CFAP52: variants seen among roughly 807,000 people sequenced by gnomAD.
CFAP52 encodes cilia- and flagella-associated protein 52.
A neutral mutation model predicts 70.5 loss-of-function variants in CFAP52; 57 were observed. That is an observed-to-expected ratio of 0.81 (90% CI 0.65 to 1.01). The LOEUF is 1.01. Among genes scored for constraint, CFAP52 ranks in the 50% least tolerant of loss-of-function variants. The pLI is 0.00. For missense variants in CFAP52, 785 were observed against 788.5 expected (o/e 1.00, Z 0.05); for synonymous variants, 267 against 292.5 (o/e 0.91, Z 0.89).
chr17:9,632,687 G>A (rs781359283), intron 9 of CFAP52, among the ~76,000 whole-genome samples: 15 of 147,684 alleles, frequency 1.0e-4, no homozygotes, highest in Non-Finnish European at 1.0e-4. Context: ...GACTCAGGCT[G>A]TTGGCTTAGG....
intron 4 of CFAP52, chr17:9,594,590 C>T: frequency 3.9e-6 from 1 of 254,844 alleles, no homozygotes; most frequent in Non-Finnish European, 7.4e-6. Flanking sequence ...GAATTATCTC[C>T]AATCCATGCT....
chr17:9,590,285 GT>G, intron 3 of CFAP52: 1 of 188,742 alleles, frequency 5.3e-6, no homozygotes, highest in Admixed American at 5.3e-5. Context: ...GGGCCAAGGT[GT>G]TTTCCCATCA....
chr17:9,612,610 A>G lies in CFAP52; in HGVS notation c.1025+131A>G, dbSNP rs1019641366. 8.5e-6 allele frequency: 9 copies of G among 1,054,194 alleles called. No homozygotes were observed. In the African/African-American group the frequency reaches 1.4e-4, roughly 17 times the overall value. 65.3% of individuals were successfully genotyped at this position (1,054,194 alleles called of 1,614,324 possible). A position where few individuals can be genotyped will look rare whatever the true frequency, so the allele number is the denominator to read the frequency against. On this transcript the variant is annotated intron_variant, in intron 8 of 13. Transcript: ENST00000352665. ...CTCCTTAAATTTTTCTAACGTGGTG[A>G]ATTATTTTAAGAGACTTTCCATTGT...
intron 1 of CFAP52, among the ~76,000 whole-genome samples, chr17:9,585,046 C>A (rs373993142): frequency 1.3e-5 from 2 of 152,244 alleles, no homozygotes; most frequent in South Asian, 2.1e-4. Flanking sequence ...ATTTACCCAA[C>A]CTTTGCCTGA....
At position 9,608,129 on chromosome 17, in the gene CFAP52, C is replaced by T; in HGVS notation, c.764C>T (p.Ala255Val). Residue 255 changes from alanine to valine, a missense_variant, in exon 7 of 14, where the codon GCT becomes GTT. Physicochemically the swap from Ala to Val is moderately conservative, Grantham distance 64. Coordinates refer to ENST00000352665, the MANE Select transcript of CFAP52 (RefSeq NM_145054.5). ...AKDKFSLGVS[A>V]IRCLKMGGLL... ...AGTTTTTCCCCCTAGGGAGTGTCAG[C>T]TATCAGGTGCCTGAAGATGGGGGGT... 1.2e-6 allele frequency: 2 copies of T among 1,612,034 alleles called. No homozygotes were observed. Among genetic ancestry groups the T allele is most frequent in the Non-Finnish European group, 1.7e-6 (2 of 1,178,758 alleles).
At chr17:9,585,424 T>A (rs1366535791) in intron 1 of CFAP52, among the ~76,000 whole-genome samples, 1 of 152,106 alleles carries the variant, frequency 6.6e-6, no homozygotes, top group Non-Finnish European at 1.5e-5. Flanking sequence ...ATCCCAGCAC[T>A]TTGGGAGGCT....
In CFAP52 at chr17:9,586,724, G is replaced by A. The variant is rs1260002210; in HGVS notation, c.297G>A (p.Lys99=). ...CAGACATCATTTTGTGGGATTATAA[G>A]AACAGAGAGCTGCTTGCTCGGCTGT... ...FKADIILWDY[K]NRELLARLSL... is the part of the protein sequence containing the mutation. The change falls in exon 3 of 14, where the codon AAG becomes AAA. Residue 99 remains lysine (K), a synonymous_variant. Coordinates refer to ENST00000352665, the MANE Select transcript of CFAP52 (RefSeq NM_145054.5). 1.2e-6 allele frequency: 2 copies of A among 1,612,910 alleles called. No individual in the cohort carries two copies. Among genetic ancestry groups the A allele is most frequent in the South Asian group, 1.1e-5 (1 of 90,800 alleles).
intron 8 of CFAP52, among the ~76,000 whole-genome samples, chr17:9,616,559 C>T (rs1429999994): frequency 3.4e-5 from 5 of 146,858 alleles, no homozygotes; most frequent in East Asian, 2.0e-4. Flanking sequence ...CACAGACAAA[C>T]AAAAAGACAG....
intron 4 of CFAP52, 47 bp downstream of exon 4, chr17:9,594,368 T>C (rs1908905459): frequency 1.3e-6 from 2 of 1,586,618 alleles, no homozygotes; most frequent in South Asian, 2.3e-5. Flanking sequence ...ATTGCTATAT[T>C]TTCTTGCACA....
chr17:9,577,063 T>C (rs1280526167), intron 1 of CFAP52, among the ~76,000 whole-genome samples: 1 of 152,054 alleles, frequency 6.6e-6, no homozygotes, highest in African/African-American at 2.4e-5. Flanking sequence ...GTACGGGTGG[T>C]TGTAACCCTT....
At chr17:9,638,747 C>T (rs373511228) in intron 12 of CFAP52, 36 bp downstream of exon 12, 118 of 1,601,942 alleles carry the variant, frequency 7.4e-5, no homozygotes, top group Middle Eastern at 1.7e-4. Context: ...ATCTTTCCAG[C>T]GCAAGAGAAA....
chr17:9,593,949 GA>G (rs1350543969), intron 3 of CFAP52, among the ~76,000 whole-genome samples: 2 of 152,164 alleles, frequency 1.3e-5, no homozygotes, highest in Admixed American at 1.3e-4. Flanking sequence ...TGGGCAACAA[GA>G]GTGAAACTCC....
At chr17:9,608,418 C>G (rs537736061) in intron 7 of CFAP52, among the ~76,000 whole-genome samples, 199 bp downstream of exon 7, 1 of 152,140 alleles carries the variant, frequency 6.6e-6, no homozygotes, top group Non-Finnish European at 1.5e-5. Context: ...TTGAATCAAA[C>G]CAAAGTAGTC....
intron 6 of CFAP52, among the ~76,000 whole-genome samples, chr17:9,606,284 G>A (rs908617683): frequency 8.5e-5 from 13 of 152,124 alleles, no homozygotes; most frequent in Non-Finnish European, 1.5e-4. Context: ...TGGGGAGGCT[G>A]AGGCAGGAGA....
At chr17:9,589,114 T>G (rs1483247969) in intron 3 of CFAP52, among the ~76,000 whole-genome samples, 1 of 151,988 alleles carries the variant, frequency 6.6e-6, no homozygotes, top group East Asian at 1.9e-4. Flanking sequence ...AATAAATAAA[T>G]AAACAAACAA....
At chr17:9,611,640 A>G (rs1486976550) in intron 7 of CFAP52, among the ~76,000 whole-genome samples, 1 of 152,180 alleles carries the variant, frequency 6.6e-6, no homozygotes, top group African/African-American at 2.4e-5. Flanking sequence ...TGCTGGGATT[A>G]CAGGCATGAA....
At chr17:9,579,848 G>A (rs772718872) in intron 1 of CFAP52, among the ~76,000 whole-genome samples, 5 of 152,202 alleles carry the variant, frequency 3.3e-5, no homozygotes, top group Non-Finnish European at 5.9e-5. Flanking sequence ...GATTACAGGC[G>A]TGAGCCACTG....
intron 1 of CFAP52, among the ~76,000 whole-genome samples, chr17:9,578,147 G>A (rs1908050299): frequency 1.3e-5 from 2 of 152,144 alleles, no homozygotes; most frequent in South Asian, 4.1e-4. Flanking sequence ...GGTTATAGGA[G>A]GAGCTATGAA....
At chr17:9,628,522 C>T (rs1186418069) in intron 8 of CFAP52, 150 bp from the exon 9 acceptor site, 3 of 978,810 alleles carry the variant, frequency 3.1e-6, no homozygotes, top group African/African-American at 3.3e-5. Flanking sequence ...TCGTGATCCA[C>T]CCCCCTGGCC....
Sources: allele counts gnomAD v4.1 joint callset (sites outside exome capture counted in the v4.1 genomes callset), GRCh38; gene constraint gnomAD v4.1.1; transcripts MANE v1.5; gene names NCBI Gene and HGNC (gene_info 2026-07-23, HGNC 2026-07-21).